WDR17: variants seen among roughly 807,000 people sequenced by gnomAD.
The protein encoded by WDR17 is WD repeat-containing protein 17.
Under a neutral mutation model 161.7 loss-of-function variants are expected in WDR17, and 143 were observed. The ratio of observed to expected loss-of-function variants is 0.88; its 90% CI spans 0.77 to 1.02. The LOEUF (loss-of-function observed/expected upper bound fraction) is 1.02, where lower values mean the gene tolerates loss of function less well. WDR17 is among the 50% of genes least tolerant of loss of function. WDR17 has a pLI of 0.00. For missense variants in WDR17, 1,469 were observed against 1,520.9 expected (o/e 0.97, Z 0.57); for synonymous variants, 517 against 515.6 (o/e 1.00, Z -0.04).
chr4:176,133,171 A>AT, intron 7 of WDR17, among the ~76,000 whole-genome samples: 1 of 131,424 alleles, frequency 7.6e-6, no homozygotes, highest in Non-Finnish European at 1.6e-5. Context: ...AAAAAAAACA[A>AT]TTTTTTATTT....
intron 4 of WDR17, among the ~76,000 whole-genome samples, chr4:176,124,548 G>A (rs1030627028): frequency 2.6e-5 from 4 of 151,862 alleles, no homozygotes; most frequent in Non-Finnish European, 5.9e-5. Context: ...TCATTTAATC[G>A]GTTTTAAAAC....
intron 26 of WDR17, among the ~76,000 whole-genome samples, chr4:176,176,281 G>C (rs1443095065): frequency 6.6e-6 from 1 of 152,186 alleles, no homozygotes; most frequent in East Asian, 1.9e-4. Context: ...TGTTAGCTTA[G>C]AAAGAGAAAT....
intron 25 of WDR17, among the ~76,000 whole-genome samples, chr4:176,173,579 T>G (rs940809338): frequency 1.6e-4 from 24 of 152,092 alleles, no homozygotes; most frequent in African/African-American, 4.3e-4. Context: ...TGCAGTGGCG[T>G]GATCTCAGCT....
intron 1 of WDR17, among the ~76,000 whole-genome samples, chr4:176,081,981 T>C (rs1180277153): frequency 2.6e-5 from 4 of 152,058 alleles, no homozygotes; most frequent in Non-Finnish European, 5.9e-5. Context: ...GTGAGAATGG[T>C]TGTTGGTAGA....
At chr4:176,097,734 C>CAT (rs1737114052) in intron 1 of WDR17, among the ~76,000 whole-genome samples, 1 of 119,278 alleles carries the variant, frequency 8.4e-6, no homozygotes, top group Admixed American at 9.8e-5. Context: ...CACACACACA[C>CAT]ACACACATAC....
intron 1 of WDR17, among the ~76,000 whole-genome samples, chr4:176,109,419 T>C (rs552030474): frequency 6.6e-6 from 1 of 152,292 alleles, no homozygotes; most frequent in Admixed American, 6.5e-5. Flanking sequence ...AGTTTCTGAA[T>C]ACATAAAAGC....
At chr4:176,176,729 T>C (rs1184024774) in intron 26 of WDR17, among the ~76,000 whole-genome samples, 2 of 152,306 alleles carry the variant, frequency 1.3e-5, no homozygotes, top group Non-Finnish European at 2.9e-5. Context: ...CATGGTTAAG[T>C]GTTCTCTCTC....
At chr4:176,081,183 T>C (rs1274106413) in intron 1 of WDR17, among the ~76,000 whole-genome samples, 1 of 152,154 alleles carries the variant, frequency 6.6e-6, no homozygotes, top group Non-Finnish European at 1.5e-5. Context: ...ATGATATTAG[T>C]AAATCACAAA....
At chr4:176,078,197 T>C (rs1166045334) in intron 1 of WDR17, among the ~76,000 whole-genome samples, 1 of 152,124 alleles carries the variant, frequency 6.6e-6, no homozygotes, top group Non-Finnish European at 1.5e-5. Context: ...TAGTGGATTG[T>C]TTTTAGTTTT....
At chr4:176,123,980 G>A (rs1742026652) in intron 4 of WDR17, among the ~76,000 whole-genome samples, 1 of 152,176 alleles carries the variant, frequency 6.6e-6, no homozygotes, top group African/African-American at 2.4e-5. Context: ...AGATTCCAAG[G>A]ATTTTAGGAG....
intron 1 of WDR17, among the ~76,000 whole-genome samples, chr4:176,095,411 TCAC>T (rs1423683573): frequency 6.6e-6 from 1 of 152,158 alleles, no homozygotes; most frequent in East Asian, 1.9e-4. Flanking sequence ...ACTTGAGGCT[TCAC>T]TCAGATATTA....
chr4:176,145,925 T>A (rs1746082555), intron 11 of WDR17, 70 bp from the exon 12 acceptor site: 1 of 1,382,692 alleles, frequency 7.2e-7, no homozygotes, highest in East Asian at 2.5e-5. Flanking sequence ...ATTAGAACTA[T>A]GGTATACCTT....
intron 23 of WDR17, among the ~76,000 whole-genome samples, chr4:176,171,377 GCA>G (rs1750715109): frequency 6.6e-6 from 1 of 152,076 alleles, no homozygotes; most frequent in Non-Finnish European, 1.5e-5. Flanking sequence ...ATCTAGCCAA[GCA>G]CAGTACCTAC....
chr4:176,131,398 T>C (rs1351949913), intron 6 of WDR17, among the ~76,000 whole-genome samples, 156 bp from the exon 7 acceptor site: 2 of 152,144 alleles, frequency 1.3e-5, no homozygotes, highest in African/African-American at 4.8e-5. Flanking sequence ...ATTACATTTT[T>C]TGGCAATCCC....
intron 6 of WDR17, among the ~76,000 whole-genome samples, chr4:176,130,467 G>C (rs972415907): frequency 1.3e-5 from 2 of 152,038 alleles, no homozygotes; most frequent in African/African-American, 4.8e-5. Flanking sequence ...AGAAATGGCC[G>C]GGCGCGGTGG....
intron 1 of WDR17, among the ~76,000 whole-genome samples, chr4:176,072,024 A>G (rs1733310170): frequency 6.6e-6 from 1 of 152,148 alleles, no homozygotes; most frequent in Non-Finnish European, 1.5e-5. Flanking sequence ...GAACTGCCAT[A>G]ATGACCTCAT....
intron 18 of WDR17, among the ~76,000 whole-genome samples, chr4:176,156,902 T>A (rs1249895819): frequency 6.6e-6 from 1 of 152,142 alleles, no homozygotes; most frequent in Non-Finnish European, 1.5e-5. Context: ...CTCTCCTTTA[T>A]CTGCACATGG....
intron 21 of WDR17, 56 bp downstream of exon 21, chr4:176,162,230 T>G: frequency 1.3e-6 from 2 of 1,496,082 alleles, no homozygotes; most frequent in Non-Finnish European, 1.8e-6. Flanking sequence ...TATGTCATGG[T>G]GTTTGAGAGG....
intron 1 of WDR17, among the ~76,000 whole-genome samples, chr4:176,071,888 T>C (rs1385614): frequency 0.52 from 79,522 of 152,004 alleles, 22,205 homozygotes; most frequent in South Asian, 0.63. Flanking sequence ...TTCATCTTTC[T>C]GTATCTTTGA....
Sources: gnomAD v4.1 joint callset for allele counts (sites outside exome capture counted in the v4.1 genomes callset) on GRCh38, gnomAD v4.1.1 for gene constraint, MANE v1.5 for transcripts, NCBI Gene and HGNC (gene_info 2026-07-23, HGNC 2026-07-21) for gene names.